GATAD1: variants seen among roughly 807,000 people sequenced by gnomAD.
GATAD1 encodes the protein GATA zinc finger domain-containing protein 1.
A neutral mutation model predicts 26.5 loss-of-function variants in GATAD1; 12 were observed. The observed-to-expected ratio is 0.45, with a 90% CI of 0.29 to 0.73. The LOEUF (loss-of-function observed/expected upper bound fraction) is 0.73. Among genes scored for constraint, GATAD1 ranks in the 30% least tolerant of loss-of-function variants. The pLI, the probability that GATAD1 is intolerant of heterozygous loss-of-function variation, is 0.10. For synonymous variants in GATAD1, 129 were observed against 133.1 expected (o/e 0.97, Z 0.21); for missense variants, 266 against 342.1 (o/e 0.78, Z 1.75).
intron 3 of GATAD1, among the ~76,000 whole-genome samples, chr7:92,452,305 C>A (rs1246917931): frequency 1.3e-5 from 2 of 152,206 alleles, no homozygotes; most frequent in African/African-American, 4.8e-5. Flanking sequence ...GACAATAATG[C>A]AACAAAGTAG....
the GATAD1 span, chr7:92,487,484 T>G: frequency 6.3e-7 from 1 of 1,595,858 alleles, no homozygotes; most frequent in Non-Finnish European, 8.6e-7. Context: ...TCTGTCCAGG[T>G]CGAAACATTG....
At chr7:92,462,116 A>AT (rs1789941341), downstream of GATAD1, among the ~76,000 whole-genome samples, 1 of 152,226 alleles carries the variant, frequency 6.6e-6, no homozygotes, top group South Asian at 2.1e-4. Flanking sequence ...CTAAGAATCC[A>AT]TGCTAAGAGG....
At chr7:92,491,203 T>C in the GATAD1 span, 1 of 1,078,558 alleles carries the variant, frequency 9.3e-7, no homozygotes, top group East Asian at 2.4e-5. Flanking sequence ...AGGAGAGAAA[T>C]CACTGCAACT....
downstream of GATAD1, among the ~76,000 whole-genome samples, chr7:92,464,797 T>G (rs1181052740): frequency 6.6e-6 from 1 of 152,208 alleles, no homozygotes. Context: ...GCCAGCGTCC[T>G]CAGGCAGGGC....
chr7:92,493,188 A>T, the GATAD1 span: 1 of 951,544 alleles, frequency 1.1e-6, no homozygotes. Flanking sequence ...ATTATCTTAA[A>T]TTGTGTATCT....
At chr7:92,467,965 T>C in the GATAD1 span, among the ~76,000 whole-genome samples, 1 of 152,188 alleles carries the variant, frequency 6.6e-6, no homozygotes, top group Non-Finnish European at 1.5e-5. Context: ...TGCACCCTCA[T>C]GGTTGTGTTA....
At chr7:92,476,763 G>A in the GATAD1 span, among the ~76,000 whole-genome samples, 1 of 151,980 alleles carries the variant, frequency 6.6e-6, no homozygotes, top group African/African-American at 2.4e-5. Flanking sequence ...TGGGGAGTGG[G>A]TCCTACATAA....
the GATAD1 span, among the ~76,000 whole-genome samples, chr7:92,486,603 A>C: frequency 6.6e-6 from 1 of 152,126 alleles, no homozygotes; most frequent in African/African-American, 2.4e-5. Context: ...TCCTGGGAGC[A>C]AGTGATCCTC....
intron 3 of GATAD1, 100 bp downstream of exon 3, chr7:92,450,860 G>T: frequency 1.4e-6 from 1 of 719,008 alleles, no homozygotes; most frequent in South Asian, 1.7e-5. Context: ...CTCTTTATTT[G>T]TATAAGGTGT....
the GATAD1 span, chr7:92,470,232 T>C: frequency 2.6e-6 from 2 of 778,674 alleles, no homozygotes; most frequent in Non-Finnish European, 4.8e-6. Context: ...TCCTATACGA[T>C]GGGGCATCAA....
the GATAD1 span, among the ~76,000 whole-genome samples, chr7:92,473,451 A>C: frequency 6.6e-6 from 1 of 151,866 alleles, no homozygotes; most frequent in Non-Finnish European, 1.5e-5. Context: ...TTTAACTTGA[A>C]CAGGACGGGC....
the GATAD1 span, chr7:92,469,255 GC>G: frequency 1.3e-6 from 1 of 764,132 alleles, no homozygotes; most frequent in Non-Finnish European, 2.4e-6. Context: ...GACTACTGCT[GC>G]TAGGGAGTTA....
rs1189542041 is a variant in GATAD1 at position 92,456,457 on chromosome 7, A to G, written c.705A>G (p.Ser235=). Residue 235 remains serine (S), a synonymous_variant, in exon 5 of 5, where the codon TCA becomes TCG. Coordinates refer to ENST00000287957, the MANE Select transcript of GATAD1 (RefSeq NM_021167.5). ...APSEYFKSRS[S]PFPTVPTRPE... ...CTGAGTATTTCAAGTCACGGTCATC[A>G]CCATTTCCCACAGTTCCCACCAGAC... 2 of 1,612,048 alleles carry G rather than the reference A, an allele frequency of 1.2e-6. No homozygotes were observed. The highest frequency in any genetic ancestry group is 1.3e-5 in the African/African-American group (1 of 75,004).
At chr7:92,467,599 G>C in the GATAD1 span, among the ~76,000 whole-genome samples, 1 of 152,228 alleles carries the variant, frequency 6.6e-6, no homozygotes, top group Non-Finnish European at 1.5e-5. Flanking sequence ...ACTTTGGACT[G>C]ATCAAGTCGC....
the GATAD1 span, chr7:92,489,582 T>C: frequency 3.5e-5 from 36 of 1,016,328 alleles, no homozygotes; most frequent in East Asian, 8.5e-4. Context: ...CACATAACCA[T>C]GACTGAGTTA....
downstream of GATAD1, among the ~76,000 whole-genome samples, chr7:92,464,550 C>T (rs1201733967): frequency 6.6e-6 from 1 of 152,226 alleles, no homozygotes; most frequent in Admixed American, 6.5e-5. Flanking sequence ...CCTTTCTCAA[C>T]TCTAGTCCTC....
the GATAD1 span, chr7:92,472,327 C>A: frequency 6.6e-6 from 1 of 152,190 alleles, no homozygotes; most frequent in Non-Finnish European, 1.5e-5. Flanking sequence ...ACAGTAAGAT[C>A]TCTTCCCTGT....
the GATAD1 span, among the ~76,000 whole-genome samples, chr7:92,467,796 A>G: frequency 6.6e-6 from 1 of 152,374 alleles, no homozygotes; most frequent in South Asian, 2.1e-4. Context: ...GGGCTGTAAT[A>G]GAAGCCCTAC....
chr7:92,465,930 A>G, the GATAD1 span, among the ~76,000 whole-genome samples: 332 of 151,072 alleles, frequency 2.2e-3, no homozygotes, highest in African/African-American at 7.3e-3. Context: ...GAACCTGGGC[A>G]GTGGGGAGGT....
Sources: allele counts gnomAD v4.1 joint callset (sites outside exome capture counted in the v4.1 genomes callset), GRCh38; gene constraint gnomAD v4.1.1; transcripts MANE v1.5; gene names NCBI Gene and HGNC (gene_info 2026-07-23, HGNC 2026-07-21).